Variants in DOCK8 observed in about 807,000 individuals in gnomAD.
DOCK8 encodes the protein dedicator of cytokinesis 8.
Under a neutral mutation model 245.6 loss-of-function variants are expected in DOCK8, and 141 were observed. The ratio of observed to expected loss-of-function variants is 0.57; its 90% CI spans 0.50 to 0.66. The LOEUF (loss-of-function observed/expected upper bound fraction) is 0.66. Ranked by LOEUF, DOCK8 falls within the 30% of genes least tolerant of loss-of-function variation. The pLI, the probability that DOCK8 is intolerant of heterozygous loss-of-function variation, is 0.00. For synonymous variants in DOCK8, 1,168 were observed against 970.2 expected (o/e 1.20, Z -3.79); for missense variants, 2,965 against 2,603.4 (o/e 1.14, Z -3.02).
chr9:367,025 T>C (rs1395181625), intron 14 of DOCK8, among the ~76,000 whole-genome samples: 4 of 152,338 alleles, frequency 2.6e-5, no homozygotes, highest in African/African-American at 4.8e-5. Flanking sequence ...TTATATGATA[T>C]GGGGTGTATT....
At chr9:359,251 TC>T (rs1383937633) in intron 14 of DOCK8, among the ~76,000 whole-genome samples, 2 of 152,220 alleles carry the variant, frequency 1.3e-5, no homozygotes, top group African/African-American at 4.8e-5. Flanking sequence ...ACAATAAAGT[TC>T]TGGTGAGTCT....
intron 1 of DOCK8, among the ~76,000 whole-genome samples, chr9:242,248 C>G (rs544259188): frequency 2.0e-5 from 3 of 152,210 alleles, no homozygotes; most frequent in South Asian, 2.1e-4. Flanking sequence ...CACCACCCCC[C>G]AAAAAATGAC....
intron 1 of DOCK8, among the ~76,000 whole-genome samples, chr9:226,895 T>G (rs1157720961): frequency 6.6e-6 from 1 of 152,216 alleles, no homozygotes. Flanking sequence ...GAAAAAATAT[T>G]GATATGATTT....
At position 407,204 on chromosome 9, in the gene DOCK8, G is replaced by A. The variant is rs1056449819; in HGVS notation, c.3530+135G>A. ...CCAGTTCTGAGGAGTAGAAACATCT[G>A]TCTTGAGAATATGGTACCCATAAGC... On this transcript the variant is annotated intron_variant, in intron 28 of 47. Coordinates refer to ENST00000432829, the MANE Select transcript of DOCK8 (RefSeq NM_203447.4). The A allele has an allele frequency of 1.5e-5, 21 of 1,366,738 alleles. No individual in the cohort carries two copies. In the African/African-American group the frequency reaches 2.5e-4, roughly 16 times the overall value. 84.7% of individuals were successfully genotyped at this position (1,366,738 alleles called of 1,614,324 possible). A position where few individuals can be genotyped will look rare whatever the true frequency, so the allele number is the denominator to read the frequency against.
chr9:243,827 A>G (rs1274265504), intron 1 of DOCK8, among the ~76,000 whole-genome samples: 2 of 152,034 alleles, frequency 1.3e-5, no homozygotes, highest in Non-Finnish European at 2.9e-5. Context: ...TCACAACTCC[A>G]TCATCGGCAT....
intron 23 of DOCK8, among the ~76,000 whole-genome samples, chr9:387,300 G>T (rs573812467): frequency 1.3e-5 from 2 of 152,012 alleles, no homozygotes; most frequent in Non-Finnish European, 2.9e-5. Flanking sequence ...AAAACTAGCC[G>T]GGCATGATGG....
chr9:432,216 G>A lies in DOCK8; in HGVS notation c.4677G>A (p.Val1559=), dbSNP rs767095877. ...TAACCATGTCCCTGGCATCTTTGGTGGGAAGAGCACCAGACTTTAATGAAG... is the reference window on the plus strand; with the variant it reads ...TAACCATGTCCCTGGCATCTTTGGTAGGAAGAGCACCAGACTTTAATGAAG... ...MQVTMSLASL[V]GRAPDFNEEH... Residue 1559 remains valine (V), a synonymous_variant, in exon 37 of 48, where the codon GTG becomes GTA. Coordinates refer to ENST00000432829, the MANE Select transcript of DOCK8 (RefSeq NM_203447.4). The A allele has an allele frequency of 3.1e-6, 5 of 1,613,656 alleles. No individual in the cohort carries two copies. The South Asian group carries it at 5.5e-5, about 18-fold the overall frequency.
intron 1 of DOCK8, among the ~76,000 whole-genome samples, chr9:236,780 G>C (rs2047260115): frequency 6.6e-6 from 1 of 152,196 alleles, no homozygotes; most frequent in Non-Finnish European, 1.5e-5. Context: ...CAGTGACTCA[G>C]GGACCCAGGC....
chr9:320,136 G>T (rs1489750423), intron 7 of DOCK8, among the ~76,000 whole-genome samples: 1 of 151,100 alleles, frequency 6.6e-6, no homozygotes, highest in Non-Finnish European at 1.5e-5. Context: ...ATCAGAGATG[G>T]CTGGGCTCAA....
At chr9:400,172 CCAT>C (rs1330169308) in intron 26 of DOCK8, among the ~76,000 whole-genome samples, 9 of 120,390 alleles carry the variant, frequency 7.5e-5, no homozygotes, top group African/African-American at 3.1e-4. Context: ...ACCACCTCCA[CCAT>C]CACCACCTCC....
chr9:349,052 A>G (rs1024790138), intron 14 of DOCK8, among the ~76,000 whole-genome samples: 1 of 152,210 alleles, frequency 6.6e-6, no homozygotes, highest in Non-Finnish European at 1.5e-5. Flanking sequence ...TTATACTTCC[A>G]GATCGTCTTT....
At chr9:229,748 G>T (rs1426605267) in intron 1 of DOCK8, among the ~76,000 whole-genome samples, 1 of 152,088 alleles carries the variant, frequency 6.6e-6, no homozygotes, top group Non-Finnish European at 1.5e-5. Flanking sequence ...ATATCTGAAA[G>T]ATAGGTGCTG....
At chr9:331,564 T>G (rs2051016286) in intron 9 of DOCK8, among the ~76,000 whole-genome samples, 1 of 152,256 alleles carries the variant, frequency 6.6e-6, no homozygotes, top group South Asian at 2.1e-4. Context: ...TCATCTCAAC[T>G]GATGGGACTA....
Position 464,587 on chromosome 9 carries a change from C to A in DOCK8, c.*368C>A. The stretch of plus-strand genomic sequence containing the variant: ...CATATTTGAATTTATTGGAGTAACT[C>A]AAATTGCCTGAGGAAAAATGGAAAA... On this transcript the variant is annotated 3_prime_UTR_variant, in exon 48 of 48. Transcript: ENST00000432829. 3.4e-6 allele frequency: 1 copy of A among 291,608 alleles called. No individual in the cohort carries two copies. The highest frequency in any genetic ancestry group is 6.6e-6 in the Non-Finnish European group (1 of 151,912). 18.1% of individuals were successfully genotyped at this position (291,608 alleles called of 1,614,324 possible). A position where few individuals can be genotyped will look rare whatever the true frequency, so the allele number is the denominator to read the frequency against.
chr9:421,549 G>T (rs1407768198), intron 32 of DOCK8, among the ~76,000 whole-genome samples: 1 of 152,146 alleles, frequency 6.6e-6, no homozygotes, highest in Non-Finnish European at 1.5e-5. Context: ...GTCATTCAAG[G>T]ATTCCACCAC....
At chr9:270,216 A>T (rs560608) in intron 1 of DOCK8, among the ~76,000 whole-genome samples, 2 of 151,834 alleles carry the variant, frequency 1.3e-5, no homozygotes, top group East Asian at 3.9e-4. Context: ...TTAAGGAGCA[A>T]AATGTATGCT....
At chr9:437,997 C>T (rs1406272311) in intron 39 of DOCK8, among the ~76,000 whole-genome samples, 3 of 152,226 alleles carry the variant, frequency 2.0e-5, no homozygotes, top group Non-Finnish European at 4.4e-5. Context: ...ATGCTTTCAA[C>T]TGAATTTCTT....
chr9:376,876 A>G (rs1191269449), intron 19 of DOCK8, 101 bp from the exon 20 acceptor site: 16 of 1,048,602 alleles, frequency 1.5e-5, no homozygotes, highest in Middle Eastern at 2.0e-4. Flanking sequence ...AACGCTGGAT[A>G]AGAGGTTCTA....
At chr9:221,566 C>G (rs2131338977) in intron 1 of DOCK8, among the ~76,000 whole-genome samples, 1 of 151,914 alleles carries the variant, frequency 6.6e-6, no homozygotes, top group South Asian at 2.1e-4. Context: ...AATCCCAGCA[C>G]TTTTGGAGGC....
Sources: allele counts gnomAD v4.1 joint callset (sites outside exome capture counted in the v4.1 genomes callset), GRCh38; gene constraint gnomAD v4.1.1; transcripts MANE v1.5; gene names NCBI Gene and HGNC (gene_info 2026-07-23, HGNC 2026-07-21).